SLC1A7: variants seen among roughly 807,000 people sequenced by gnomAD.
The protein encoded by SLC1A7 is excitatory amino acid transporter 5.
SLC1A7 carries 40 observed loss-of-function variants against 47.7 expected under a neutral mutation model. That is an observed-to-expected ratio of 0.84 (90% confidence interval 0.65 to 1.09). SLC1A7 has a LOEUF of 1.09. Among genes scored for constraint, SLC1A7 ranks in the 50% least tolerant of loss-of-function variants. The pLI is 0.00. For missense variants in SLC1A7, 746 were observed against 769.5 expected (o/e 0.97, Z 0.36); for synonymous variants, 323 against 325.6 (o/e 0.99, Z 0.09).
chr1:53,115,035 GCTCA>G, intron 2 of SLC1A7, 62 bp from the exon 3 acceptor site: 1 of 1,313,488 alleles, frequency 7.6e-7, no homozygotes, highest in South Asian at 1.2e-5. Flanking sequence ...GGCACTCAGC[GCTCA>G]CTCAGCCCCT....
chr1:53,133,027 C>T (rs559623465), intron 2 of SLC1A7, among the ~76,000 whole-genome samples: 3 of 152,080 alleles, frequency 2.0e-5, no homozygotes, highest in African/African-American at 7.2e-5. Flanking sequence ...AGAAGCTGAA[C>T]ATTTGGAGGT....
At chr1:53,097,874 A>C (rs1005890333) in intron 5 of SLC1A7, among the ~76,000 whole-genome samples, 24 of 147,844 alleles carry the variant, frequency 1.6e-4, no homozygotes, top group Non-Finnish European at 3.1e-4. Flanking sequence ...GCATCGGTAC[A>C]CTCACACACC....
At chr1:53,141,153 G>A (rs1270079788) in intron 1 of SLC1A7, among the ~76,000 whole-genome samples, 1 of 152,128 alleles carries the variant, frequency 6.6e-6, no homozygotes, top group Non-Finnish European at 1.5e-5. Flanking sequence ...TAGTCCAGCT[G>A]TAGCAAAAGT....
At chr1:53,102,029 A>G (rs1338947124) in intron 5 of SLC1A7, among the ~76,000 whole-genome samples, 4 of 152,212 alleles carry the variant, frequency 2.6e-5, no homozygotes, top group Non-Finnish European at 4.4e-5. Context: ...AGTTGAGTCC[A>G]AGGGTCTCCG....
At chr1:53,110,359 G>A (rs1311613100) in intron 3 of SLC1A7, among the ~76,000 whole-genome samples, 3 of 152,120 alleles carry the variant, frequency 2.0e-5, no homozygotes, top group Non-Finnish European at 2.9e-5. Flanking sequence ...CTGTAGCCCC[G>A]CTCTCTGACC....
At chr1:53,090,021 A>C in intron 8 of SLC1A7, 87 bp from the exon 9 acceptor site, 1 of 1,475,850 alleles carries the variant, frequency 6.8e-7, no homozygotes, top group Non-Finnish European at 9.3e-7. Context: ...GTTGAGTGTC[A>C]GGGCCTCTGG....
At chr1:53,101,382 C>G (rs1644578150) in intron 5 of SLC1A7, among the ~76,000 whole-genome samples, 1 of 145,090 alleles carries the variant, frequency 6.9e-6, no homozygotes, top group South Asian at 2.3e-4. Flanking sequence ...ACACACACTG[C>G]CCCATTACAC....
intron 2 of SLC1A7, among the ~76,000 whole-genome samples, chr1:53,128,156 G>A (rs1325248690): frequency 6.6e-6 from 1 of 152,186 alleles, no homozygotes; most frequent in Non-Finnish European, 1.5e-5. Context: ...AGGAGTGAAG[G>A]GCATAGAAAA....
chr1:53,126,261 A>G (rs1160899234), intron 2 of SLC1A7, among the ~76,000 whole-genome samples: 1 of 152,238 alleles, frequency 6.6e-6, no homozygotes, highest in Non-Finnish European at 1.5e-5. Context: ...GGTGGAGGCA[A>G]TTCAGGCCCT....
intron 3 of SLC1A7, among the ~76,000 whole-genome samples, chr1:53,106,405 C>G (rs1196573069): frequency 3.3e-5 from 5 of 151,364 alleles, no homozygotes; most frequent in Non-Finnish European, 5.9e-5. Context: ...ATCACGAGGT[C>G]GGAGATCGAG....
chr1:53,114,572 G>T, intron 3 of SLC1A7, 186 bp downstream of exon 3: 1 of 602,982 alleles, frequency 1.7e-6, no homozygotes, highest in Non-Finnish European at 3.0e-6. Flanking sequence ...GCTGCAAGGT[G>T]CTTCTAGCCT....
intron 1 of SLC1A7, among the ~76,000 whole-genome samples, chr1:53,136,559 A>ATATATAATATATAAACATATAT (rs1644997497): frequency 1.0e-5 from 1 of 99,906 alleles, no homozygotes; most frequent in Non-Finnish European, 2.0e-5. Context: ...ATATATAAAC[A>ATATATAATATATAAACATATAT]TATATATAAA....
In SLC1A7 at chr1:53,088,877, C is replaced by T. The variant is rs1644387946; in HGVS notation, c.1464G>A (p.Glu488=). Residue 488 remains glutamate (E), a splice_region_variant and synonymous_variant, in exon 10 of 11, where the codon GAG becomes GAA. Coordinates refer to ENST00000371494, the MANE Select transcript of SLC1A7 (RefSeq NM_006671.6). The part of the protein sequence containing the change: ...RKDFARDTGT[E]KLLPCETKPV... ...AGCCTCTGGATCTCACTGCTCTCAC[C>T]TCGGTGCCTGTGTCCCGGGCAAAAT... 2.5e-6 allele frequency: 4 copies of T among 1,613,062 alleles called. No homozygotes were observed. In the South Asian group the frequency reaches 3.3e-5, roughly 13 times the overall value.
At position 53,134,510 on chromosome 1, in the gene SLC1A7, C is replaced by G; in HGVS notation, c.136-81G>C. On this transcript the variant is annotated intron_variant, in intron 1 of 10. Coordinates refer to ENST00000371494, the MANE Select transcript of SLC1A7 (RefSeq NM_006671.6). ...TCCGTTCTTCACAGTCTTTGAAGCACTATCCCATCTGACTCCCCTGTCTAG... is the reference window on the plus strand; with the variant it reads ...TCCGTTCTTCACAGTCTTTGAAGCAGTATCCCATCTGACTCCCCTGTCTAG... 3.5e-6 allele frequency: 3 copies of G among 868,006 alleles called. No individual in the cohort carries two copies. In the South Asian group the frequency reaches 4.9e-5, roughly 14 times the overall value. The allele number at this position is 868,006 out of a possible 1,614,324, so 53.8% of individuals were successfully genotyped here.
At chr1:53,093,011 T>G (rs1644442921) in intron 6 of SLC1A7, among the ~76,000 whole-genome samples, 1 of 152,158 alleles carries the variant, frequency 6.6e-6, no homozygotes, top group Non-Finnish European at 1.5e-5. Flanking sequence ...TCCCCCGCCC[T>G]GCCTTCAGGA....
Position 53,114,821 on chromosome 1 carries a change from T to C in SLC1A7, c.368A>G (p.Glu123Gly). 6.2e-7 allele frequency: 1 copy of C among 1,614,182 alleles called. No homozygotes were observed. The highest frequency in any genetic ancestry group is 8.5e-7 in the Non-Finnish European group (1 of 1,180,014). ...IIHPGSAAQKETTEQSGKPIM... is the reference protein window; with the variant it reads ...IIHPGSAAQKGTTEQSGKPIM... ...GGGCTTCCCACTCTGCTCCGTGGTC[T>C]CCTTCTGGGCCGCGCTGCCTGGGTG... The change falls in exon 3 of 11, where the codon GAG becomes GGG. Residue 123 changes from glutamate (E) to glycine (G), a missense_variant. Glu to Gly is a moderately conservative substitution (Grantham distance 98). Transcript: ENST00000371494.
At chr1:53,106,338 T>C (rs945580982) in intron 3 of SLC1A7, among the ~76,000 whole-genome samples, 2 of 151,672 alleles carry the variant, frequency 1.3e-5, no homozygotes, top group East Asian at 3.9e-4. Flanking sequence ...TCCTACTAGA[T>C]AAAAAACGGT....
At chr1:53,114,172 G>T (rs1232772713) in intron 3 of SLC1A7, among the ~76,000 whole-genome samples, 1 of 152,206 alleles carries the variant, frequency 6.6e-6, no homozygotes, top group East Asian at 1.9e-4. Flanking sequence ...GGGACCCGGG[G>T]AAAGGGAGTG....
At chr1:53,101,726 T>C (rs1308889290) in intron 5 of SLC1A7, among the ~76,000 whole-genome samples, 1 of 130,136 alleles carries the variant, frequency 7.7e-6, no homozygotes, top group Non-Finnish European at 1.6e-5. Context: ...ACTCACACAG[T>C]GTCAGTACAC....
Sources: allele counts gnomAD v4.1 joint callset (sites outside exome capture counted in the v4.1 genomes callset), GRCh38; gene constraint gnomAD v4.1.1; transcripts MANE v1.5; gene names NCBI Gene and HGNC (gene_info 2026-07-23, HGNC 2026-07-21).